The following NWD2 variants were observed in gnomAD, a reference collection of about 807,000 sequenced individuals.
NWD2 encodes the protein NACHT and WD repeat domain containing 2, also known as NACHT and WD repeat domain-containing protein 2.
In NWD2, 37 loss-of-function variants were observed where a neutral mutation model predicts 132.7. The ratio of observed to expected loss-of-function variants is 0.28; its 90% CI spans 0.21 to 0.37. NWD2 has a LOEUF of 0.37. Ranked by LOEUF, NWD2 falls within the 10% of genes least tolerant of loss-of-function variation. NWD2 has a pLI of 1.00. For synonymous variants in NWD2, 705 were observed against 803.0 expected, an observed-to-expected ratio of 0.88 and a Z score of 2.06; for missense variants, 1,592 against 2,122.4, an observed-to-expected ratio of 0.75 and a Z score of 4.91.
At chr4:37,311,100 G>C (rs1248039735) in intron 1 of NWD2, among the ~76,000 whole-genome samples, 2 of 152,222 alleles carry the variant, frequency 1.3e-5, no homozygotes, top group East Asian at 3.9e-4. Context: ...ACATACGTGT[G>C]CATGTGTCTT....
chr4:37,444,530 G>T lies in NWD2; in HGVS notation c.2542G>T (p.Asp848Tyr). 6.4e-7 allele frequency: 1 copy of T among 1,551,764 alleles called. No homozygotes were observed. Among genetic ancestry groups the T allele is most frequent in the Non-Finnish European group, 8.7e-7 (1 of 1,147,030 alleles). ...LYHLTRCGKTDDLLYGIIMNF... is the reference protein window; with the variant it reads ...LYHLTRCGKTYDLLYGIIMNF... ...CCACTTGACGAGGTGTGGAAAAACC[G>T]ATGACCTGCTTTACGGCATCATCAT... Residue 848 changes from aspartate to tyrosine, a missense_variant, in exon 7 of 7, where the codon GAT becomes TAT. Coordinates refer to ENST00000309447, the MANE Select transcript of NWD2 (RefSeq NM_001144990.2). This position sits in a 1 kb window ranked among gnomAD's most constrained non-coding sequence, Gnocchi z 4.8.
intron 3 of NWD2, among the ~76,000 whole-genome samples, chr4:37,384,532 G>A (rs895834714): frequency 6.6e-6 from 1 of 152,172 alleles, no homozygotes; most frequent in Admixed American, 6.5e-5. Context: ...TTTTGTCCCT[G>A]AAGGTAGTTC....
intron 3 of NWD2, among the ~76,000 whole-genome samples, chr4:37,375,171 T>A (rs1720319310): frequency 6.6e-6 from 1 of 152,220 alleles, no homozygotes; most frequent in South Asian, 2.1e-4. Context: ...CTCTTACTCA[T>A]TTTTTAAACT....
intron 2 of NWD2, among the ~76,000 whole-genome samples, chr4:37,347,058 C>T (rs761176891): frequency 5.9e-5 from 9 of 151,776 alleles, no homozygotes; most frequent in South Asian, 4.2e-4. Flanking sequence ...CTTTCATTTC[C>T]CTTTTGACTT....
chr4:37,395,310 G>A (rs182783180), intron 3 of NWD2, among the ~76,000 whole-genome samples: 3 of 152,072 alleles, frequency 2.0e-5, no homozygotes, highest in East Asian at 3.9e-4. Context: ...CTCAATTGAG[G>A]ACACATAGGA....
At chr4:37,245,681 T>C (rs188330223) in intron 1 of NWD2, among the ~76,000 whole-genome samples, 1 of 151,804 alleles carries the variant, frequency 6.6e-6, no homozygotes, top group Non-Finnish European at 1.5e-5. Context: ...GCGAGGTGAG[T>C]TCCTTGAGAC....
At chr4:37,361,438 C>A (rs1719980276) in intron 3 of NWD2, among the ~76,000 whole-genome samples, 1 of 152,024 alleles carries the variant, frequency 6.6e-6, no homozygotes. Flanking sequence ...AAAACCTCAA[C>A]AAAATGCTAG....
At chr4:37,299,848 T>G (rs1449197312) in intron 1 of NWD2, among the ~76,000 whole-genome samples, 1 of 152,154 alleles carries the variant, frequency 6.6e-6, no homozygotes, top group East Asian at 1.9e-4. Context: ...ATATGCTTTC[T>G]TTTCCATTTG....
rs373054873 is a variant in NWD2, at chr4:37,372,570, C to T, written c.357+16088C>T. Among the ~76,000 whole-genome samples, 53 of 152,336 alleles carry T rather than the reference C, an allele frequency of 3.5e-4. 1 individual carries two copies. The South Asian group carries it at 0.01, about 29-fold the overall frequency. On this transcript the variant is annotated intron_variant, in intron 3 of 6. Coordinates refer to ENST00000309447, the MANE Select transcript of NWD2 (RefSeq NM_001144990.2). ...TCAAACTACAAGTTATCTGGACCAA[C>T]GGGTCTCAAATTCCATTTGGAATAT...
intron 2 of NWD2, among the ~76,000 whole-genome samples, chr4:37,348,150 T>A (rs1051223781): frequency 2.0e-5 from 3 of 152,150 alleles, no homozygotes; most frequent in African/African-American, 7.2e-5. Flanking sequence ...TAAGAAGCTG[T>A]GTGATGCTCT....
chr4:37,338,453 A>G (rs1283951466), intron 2 of NWD2, among the ~76,000 whole-genome samples: 1 of 152,232 alleles, frequency 6.6e-6, no homozygotes, highest in Non-Finnish European at 1.5e-5. Context: ...CACAAAATAA[A>G]GTTCCTTGAA....
chr4:37,260,374 A>T (rs1211222516), intron 1 of NWD2, among the ~76,000 whole-genome samples: 1 of 152,168 alleles, frequency 6.6e-6, no homozygotes, highest in Non-Finnish European at 1.5e-5. Flanking sequence ...GCAGTATTGC[A>T]TTATTCCATT....
chr4:37,284,450 A>T (rs1282933243), intron 1 of NWD2, among the ~76,000 whole-genome samples: 3 of 152,176 alleles, frequency 2.0e-5, no homozygotes, highest in Non-Finnish European at 4.4e-5. Flanking sequence ...CAGAGTCCAG[A>T]ATATTCGATG....
At chr4:37,331,989 C>T (rs1416049679) in intron 2 of NWD2, among the ~76,000 whole-genome samples, 1 of 152,146 alleles carries the variant, frequency 6.6e-6, no homozygotes, top group Admixed American at 6.5e-5. Flanking sequence ...CCATTTAGAC[C>T]AGGCCTAGTC....
intron 1 of NWD2, among the ~76,000 whole-genome samples, chr4:37,299,945 T>C (rs1356164639): frequency 6.6e-6 from 1 of 152,140 alleles, no homozygotes. Flanking sequence ...AGCCTAATTA[T>C]AATTTAACCC....
chr4:37,278,313 A>T (rs2109266935), intron 1 of NWD2, among the ~76,000 whole-genome samples: 1 of 152,290 alleles, frequency 6.6e-6, no homozygotes, highest in East Asian at 1.9e-4. Flanking sequence ...ACCTTGGGTG[A>T]GAAGAACAAT....
At chr4:37,421,874 A>G (rs1476062536) in intron 3 of NWD2, among the ~76,000 whole-genome samples, 1 of 152,118 alleles carries the variant, frequency 6.6e-6, no homozygotes, top group African/African-American at 2.4e-5. Flanking sequence ...GGGAACTGGA[A>G]GTTTAAGATT....
At chr4:37,425,480 G>A (rs1252090951) in intron 3 of NWD2, among the ~76,000 whole-genome samples, 1 of 152,134 alleles carries the variant, frequency 6.6e-6, no homozygotes, top group Non-Finnish European at 1.5e-5. Flanking sequence ...ATGGGAGAGA[G>A]GTGACTATAG....
chr4:37,291,749 A>G (rs1718365310), intron 1 of NWD2, among the ~76,000 whole-genome samples: 1 of 152,134 alleles, frequency 6.6e-6, no homozygotes, highest in South Asian at 2.1e-4. Flanking sequence ...AAACTGTATC[A>G]GTGTTTTTCA....
Sources: gnomAD v4.1 joint callset for allele counts (sites outside exome capture counted in the v4.1 genomes callset) on GRCh38, gnomAD v4.1.1 for gene constraint, Gnocchi (gnomAD v3.1) non-coding constraint, MANE v1.5 for transcripts, NCBI Gene and HGNC (gene_info 2026-07-23, HGNC 2026-07-21) for gene names.